Variants in OXNAD1 observed in about 807,000 individuals in gnomAD.
The protein encoded by OXNAD1 is oxidoreductase NAD-binding domain-containing protein 1.
OXNAD1 carries 34 observed loss-of-function variants against 32.9 expected under a neutral mutation model. The observed-to-expected ratio is 1.03, with a 90% CI of 0.79 to 1.38. The LOEUF (loss-of-function observed/expected upper bound fraction) is 1.38. Among genes scored for constraint, OXNAD1 ranks in the 40% most tolerant of loss-of-function variants. OXNAD1 has a pLI of 0.00. For missense variants in OXNAD1, 407 were observed against 379.4 expected (o/e 1.07, Z -0.60); for synonymous variants, 134 against 135.2 (o/e 0.99, Z 0.06).
rs371575268 is a variant in OXNAD1 at position 16,302,410 on chromosome 3, C to G, written c.676-230C>G. 6.6e-6 allele frequency among the ~76,000 whole-genome samples: 1 copy of G among 152,100 alleles called. No homozygotes were observed. Among genetic ancestry groups the G allele is most frequent in the Non-Finnish European group, 1.5e-5 (1 of 68,022 alleles). The stretch of plus-strand genomic sequence containing the variant: ...AGAAAAAGGAAAAAGAAAAAACTCC[C>G]GGAGAGTTGGTAATATGCTTGTTAG... On this transcript the variant is annotated intron_variant, in intron 7 of 8. Coordinates refer to ENST00000285083, the MANE Select transcript of OXNAD1 (RefSeq NM_138381.5). This position sits in a 1 kb window ranked among gnomAD's most constrained non-coding sequence, Gnocchi z 4.2.
At chr3:16,279,918 TG>T (rs2065625627) in intron 4 of OXNAD1, among the ~76,000 whole-genome samples, 1 of 152,260 alleles carries the variant, frequency 6.6e-6, no homozygotes, top group South Asian at 2.1e-4. Context: ...AGCAGAGAAA[TG>T]GGGTGAAAGC....
Position 16,348,686 on chromosome 3 carries a change from C to T in OXNAD1, c.*31-490C>T, listed in dbSNP as rs1230001638. Among the ~76,000 whole-genome samples, 1 of 152,210 alleles carries T rather than the reference C, an allele frequency of 6.6e-6. No homozygotes were observed. The highest frequency in any genetic ancestry group is 1.5e-5 in the Non-Finnish European group (1 of 68,036). ...TTGTTCCTGGGCATCAAAAAGTAGT[C>T]ACTCTCTTTGAGCCTATGGAGTTTC... On this transcript the variant is annotated intron_variant, in intron 9 of 9. Coordinates refer to the OXNAD1 transcript ENST00000606098. This position sits in a 1 kb window ranked among gnomAD's most constrained non-coding sequence, Gnocchi z 6.3.
At chr3:16,347,827 A>G (rs1457308243) in intron 9 of OXNAD1, 1 of 152,226 alleles carries the variant, frequency 6.6e-6, no homozygotes, top group Non-Finnish European at 1.5e-5. Flanking sequence ...CCTCAATGGG[A>G]CTTTTTTACA....
rs1324085314 is a variant in OXNAD1 at position 16,335,153 on chromosome 3, T to C, written c.*31-1959T>C. ...TTAAGTCACTAAATCTGTGATTTGTTGCCGCAGCAACAGGAAATTAATCCA... is the reference window on the plus strand; with the variant it reads ...TTAAGTCACTAAATCTGTGATTTGTCGCCGCAGCAACAGGAAATTAATCCA... On this transcript the variant is annotated intron_variant, in intron 9 of 9. Coordinates refer to the OXNAD1 transcript ENST00000435829. This position sits in a 1 kb window ranked among gnomAD's most constrained non-coding sequence, Gnocchi z 4.7. 6.6e-6 allele frequency among the ~76,000 whole-genome samples: 1 copy of C among 152,238 alleles called. No individual in the cohort carries two copies. Among genetic ancestry groups the C allele is most frequent in the Admixed American group, 6.5e-5 (1 of 15,286 alleles).
chr3:16,272,647 CTT>C (rs35628992), intron 4 of OXNAD1, among the ~76,000 whole-genome samples: 58,900 of 111,606 alleles, frequency 0.53, 12,151 homozygotes, highest in Middle Eastern at 0.58. Flanking sequence ...GCTTAAAGTT[CTT>C]TTTTTTTTTT....
At chr3:16,273,544 A>G (rs920391653) in intron 4 of OXNAD1, among the ~76,000 whole-genome samples, 5 of 151,918 alleles carry the variant, frequency 3.3e-5, no homozygotes, top group African/African-American at 4.8e-5. Flanking sequence ...CAGGCACACT[A>G]TTGTGCTCAG....
chr3:16,337,979 A>C (rs1305045402), downstream of OXNAD1, among the ~76,000 whole-genome samples: 1 of 152,120 alleles, frequency 6.6e-6, no homozygotes, highest in East Asian at 1.9e-4. The surrounding 1 kb of genome is among the most constrained non-coding windows in gnomAD (Gnocchi z 5.0). Flanking sequence ...CCTGGAAGAG[A>C]GAGATAAAAA....
rs2066169694 is a variant in OXNAD1 at position 16,287,747 on chromosome 3, ACTTG to A, written c.290+1302_290+1305del. Among the ~76,000 whole-genome samples the A allele has an allele frequency of 6.6e-6, 1 of 152,196 alleles. No individual in the cohort carries two copies. Among genetic ancestry groups the A allele is most frequent in the Non-Finnish European group, 1.5e-5 (1 of 68,034 alleles). On this transcript the variant is annotated intron_variant, in intron 5 of 8. Coordinates refer to ENST00000285083, the MANE Select transcript of OXNAD1 (RefSeq NM_138381.5). The surrounding 1 kb of genome is among the most constrained non-coding windows in gnomAD (Gnocchi z 4.8). The stretch of plus-strand genomic sequence containing the variant: ...CGTGGTGTGCCTGCAAGTGTAATGC[ACTTG>A]CTAACCTCAGTTACCTGATAAGAAA...
At chr3:16,337,546 A>T (rs796673165), downstream of OXNAD1, among the ~76,000 whole-genome samples, 17 of 151,998 alleles carry the variant, frequency 1.1e-4, no homozygotes, top group African/African-American at 4.1e-4. This position sits in a 1 kb window ranked among gnomAD's most constrained non-coding sequence, Gnocchi z 5.0. Flanking sequence ...GATCGAGACC[A>T]CCCTGGCCAA....
chr3:16,332,310 CT>C (rs1418725318), intron 9 of OXNAD1, among the ~76,000 whole-genome samples: 2 of 150,540 alleles, frequency 1.3e-5, no homozygotes, highest in Non-Finnish European at 3.0e-5. Flanking sequence ...TTTAATTTTG[CT>C]TTCTGAGAGA....
At position 16,301,660 on chromosome 3, in the gene OXNAD1, G is replaced by T; in HGVS notation, c.467G>T (p.Gly156Val). Residue 156 changes from glycine (G) to valine (V), a missense_variant, in exon 7 of 9, where the codon GGT (glycine) becomes GTT (valine). By Grantham distance (109) the Gly-to-Val change is moderately radical. Transcript: ENST00000285083. This position sits in a 1 kb window ranked among gnomAD's most constrained non-coding sequence, Gnocchi z 4.1. ...TLDCEVAVRV[G>V]GEFFFDPQPA... ...GACTGTGAAGTGGCTGTGAGAGTGG[G>T]TGGAGAGTTCTTCTTTGACCCTCAG... 6.2e-7 allele frequency: 1 copy of T among 1,613,898 alleles called. No homozygotes were observed. The highest frequency in any genetic ancestry group is 1.1e-5 in the South Asian group (1 of 91,086).
At chr3:16,313,051 C>CT (rs11325593) in intron 9 of OXNAD1, among the ~76,000 whole-genome samples, 376 of 145,324 alleles carry the variant, frequency 2.6e-3, no homozygotes, top group Middle Eastern at 7.0e-3. Flanking sequence ...CAAGATCCAT[C>CT]TTTTTTTTTT....
intron 6 of OXNAD1, among the ~76,000 whole-genome samples, chr3:16,300,144 A>G (rs532066133): frequency 6.6e-6 from 1 of 152,354 alleles, no homozygotes; most frequent in Admixed American, 6.5e-5. Context: ...GTCAGATCCA[A>G]TGCTCCTTTC....
chr3:16,320,002 G>C lies in OXNAD1; in HGVS notation c.*30+16410G>C, dbSNP rs114978931. Among the ~76,000 whole-genome samples, 1,687 of 152,346 alleles carry C rather than the reference G, an allele frequency of 0.011. 32 individuals are homozygous for C. Among genetic ancestry groups the C allele is most frequent in the African/African-American group, 0.038 (1,597 of 41,580 alleles). ...TTCCCAAGCCAGAGCATCTGTGGCA[G>C]TTGGGTGTGTCACCAAATCCAATTA... On this transcript the variant is annotated intron_variant, in intron 9 of 9. Transcript: ENST00000435829. This position sits in a 1 kb window ranked among gnomAD's most constrained non-coding sequence, Gnocchi z 4.5.
intron 9 of OXNAD1, among the ~76,000 whole-genome samples, chr3:16,333,254 C>T (rs1472327789): frequency 6.6e-6 from 1 of 152,228 alleles, no homozygotes; most frequent in Non-Finnish European, 1.5e-5. Flanking sequence ...ACAAAAAGGA[C>T]ACTTGCTTTT....
chr3:16,334,305 T>G lies in OXNAD1; in HGVS notation c.*31-2807T>G, dbSNP rs2070642248. ...TGGGGAAGCATGCGTTCTTGTACAT[T>G]GCTAGTGGAAGGGCTCATTGATTCA... On this transcript the variant is annotated intron_variant, in intron 9 of 9. Transcript: ENST00000435829. This position sits in a 1 kb window ranked among gnomAD's most constrained non-coding sequence, Gnocchi z 4.3. Among the ~76,000 whole-genome samples the G allele has an allele frequency of 6.6e-6, 1 of 152,202 alleles. No individual in the cohort carries two copies.
downstream of OXNAD1, among the ~76,000 whole-genome samples, chr3:16,338,762 T>C (rs929836738): frequency 6.6e-6 from 1 of 152,300 alleles, no homozygotes; most frequent in East Asian, 1.9e-4. This position sits in a 1 kb window ranked among gnomAD's most constrained non-coding sequence, Gnocchi z 5.3. Flanking sequence ...TTTCACCTTA[T>C]GTATTACCTA....
chr3:16,307,844 A>G (rs1365257146), downstream of OXNAD1, among the ~76,000 whole-genome samples: 3 of 152,212 alleles, frequency 2.0e-5, no homozygotes, highest in Non-Finnish European at 4.4e-5. Context: ...TAGTTGTGGT[A>G]TATTTATCAA....
chr3:16,323,951 C>G (rs1157912999), intron 9 of OXNAD1, among the ~76,000 whole-genome samples: 1 of 152,192 alleles, frequency 6.6e-6, no homozygotes, highest in Admixed American at 6.5e-5. Context: ...CAGCACCAGG[C>G]GGGCCCTGCA....
Sources: gnomAD v4.1 joint callset for allele counts (sites outside exome capture counted in the v4.1 genomes callset) on GRCh38, gnomAD v4.1.1 for gene constraint, Gnocchi (gnomAD v3.1) non-coding constraint, MANE v1.5 for transcripts, NCBI Gene and HGNC (gene_info 2026-07-23, HGNC 2026-07-21) for gene names.